ARL5C: variants seen among roughly 807,000 people sequenced by gnomAD.
ARL5C encodes ARF like GTPase 5C, also known as putative ADP-ribosylation factor-like protein 5C.
In ARL5C, 21 loss-of-function variants were observed where a neutral mutation model predicts 20.8. The ratio of observed to expected loss-of-function variants is 1.01; its 90% CI spans 0.72 to 1.46. The LOEUF is 1.46. Ranked by LOEUF, ARL5C falls within the 40% of genes most tolerant of loss-of-function variation. ARL5C has a pLI of 0.00. For synonymous variants in ARL5C, 71 were observed against 81.6 expected (o/e 0.87, Z 0.70); for missense variants, 199 against 225.1 (o/e 0.88, Z 0.74).
Position 39,165,869 on chromosome 17 carries a change from T to G in ARL5C, c.-109A>C. On this transcript the variant is annotated 5_prime_UTR_variant, in exon 1 of 6. Coordinates refer to ENST00000269586, the MANE Select transcript of ARL5C (RefSeq NM_001143968.1). Reference sequence around the variant, plus strand: ...CCGGGAGGGTCTGGCAGATTTTGCCTACGAAGTTAGGGAAGCCCCACACGT... The same window carrying G: ...CCGGGAGGGTCTGGCAGATTTTGCCGACGAAGTTAGGGAAGCCCCACACGT... 7.3e-7 allele frequency: 1 copy of G among 1,373,596 alleles called. No homozygotes were observed. The highest frequency in any genetic ancestry group is 1.0e-6 in the Non-Finnish European group (1 of 996,470). 85.1% of individuals were successfully genotyped at this position (1,373,596 alleles called of 1,614,324 possible). A position where few individuals can be genotyped will look rare whatever the true frequency, so the allele number is the denominator to read the frequency against.
Position 39,160,697 on chromosome 17 carries a change from C to A in ARL5C, c.385G>T (p.Val129Leu). The A allele has an allele frequency of 1.3e-6, 2 of 1,551,880 alleles. No individual in the cohort carries two copies. The highest frequency in any genetic ancestry group is 2.4e-5 in the South Asian group (2 of 84,062). Residue 129 changes from valine (V) to leucine (L), a missense_variant, in exon 5 of 6, where the codon GTG (valine) becomes TTG (leucine). Transcript: ENST00000269586. ...SVLIFANKQD[V>L]KDSMRMVEIS... ...TCCACCATCCTCATGGAGTCCTTCA[C>A]GTCCTGCTTATTGGCAAATATCAGG... is the stretch of plus-strand genomic sequence containing the variant.
chr17:39,163,573 G>C (rs2045448201), intron 2 of ARL5C, among the ~76,000 whole-genome samples: 1 of 151,432 alleles, frequency 6.6e-6, no homozygotes, highest in South Asian at 2.1e-4. Context: ...TTGTATTTTT[G>C]TAGAAACGGG....
rs942411469 is a variant in ARL5C, at chr17:39,165,524, G to A, written c.46+191C>T. 2.8e-4 allele frequency: 185 copies of A among 665,942 alleles called. 1 individual carries two copies. The highest frequency in any genetic ancestry group is 4.1e-4 in the Non-Finnish European group (162 of 396,412). 41.3% of individuals were successfully genotyped at this position (665,942 alleles called of 1,614,324 possible). On this transcript the variant is annotated intron_variant, in intron 1 of 5. Coordinates refer to ENST00000269586, the MANE Select transcript of ARL5C (RefSeq NM_001143968.1). ...GGGTCGCCCAGCTTTGCGTCCTGGGGCGCACCGAAGCGCCGGGACCCAAGA... is the reference window on the plus strand; with the variant it reads ...GGGTCGCCCAGCTTTGCGTCCTGGGACGCACCGAAGCGCCGGGACCCAAGA...
At chr17:39,158,258 G>A (rs1038637864) in intron 5 of ARL5C, among the ~76,000 whole-genome samples, 1 of 152,128 alleles carries the variant, frequency 6.6e-6, no homozygotes, top group Non-Finnish European at 1.5e-5. Context: ...CGGGTGGCAA[G>A]GACACTGCTA....
At chr17:39,159,577 A>T (rs543388042) in intron 5 of ARL5C, among the ~76,000 whole-genome samples, 1 of 152,068 alleles carries the variant, frequency 6.6e-6, no homozygotes, top group Non-Finnish European at 1.5e-5. Context: ...GATTACAGGC[A>T]TGAGCCACCG....
At chr17:39,161,702 C>T (rs142697308) in intron 3 of ARL5C, among the ~76,000 whole-genome samples, 2,606 of 152,006 alleles carry the variant, frequency 0.017, 69 homozygotes, top group African/African-American at 0.06. Context: ...TTAGTAGAGA[C>T]GGGGTTTCGC....
chr17:39,160,758 C>G lies in ARL5C; in HGVS notation c.340-16G>C. On this transcript the variant is annotated splice_polypyrimidine_tract_variant and intron_variant, in intron 4 of 5. Coordinates refer to ENST00000269586, the MANE Select transcript of ARL5C (RefSeq NM_001143968.1). ...CCTGTAGAGCCTGTGGACAGAGGAG[C>G]CCAGCCCCAGTCAGCCTGCTAGTGC... 6.5e-7 allele frequency: 1 copy of G among 1,549,908 alleles called. No homozygotes were observed.
At chr17:39,156,805 C>T, downstream of ARL5C, 1 of 1,455,596 alleles carries the variant, frequency 6.9e-7, no homozygotes, top group Non-Finnish European at 9.4e-7. Flanking sequence ...ACTAGAGAAC[C>T]ATAGAAAAGT....
At position 39,162,739 on chromosome 17, in the gene ARL5C, A is replaced by G; in HGVS notation, c.227T>C (p.Ile76Thr). 1 of 1,551,732 alleles carries G rather than the reference A, an allele frequency of 6.4e-7. No homozygotes were observed. Among genetic ancestry groups the G allele is most frequent in the Non-Finnish European group, 8.7e-7 (1 of 1,146,986 alleles). The change falls in exon 3 of 6, where the codon ATC (isoleucine) becomes ACC (threonine). Residue 76 changes from isoleucine to threonine, a missense_variant. Ile to Thr is a moderately conservative substitution (Grantham distance 89). Transcript: ENST00000269586. Reference sequence around the variant, plus strand: ...AGTGTTGGAGTAGTATGTGTTCCAGATAAAGCTCAGAGCCTCAGGTCTCAC... The same window carrying G: ...AGTGTTGGAGTAGTATGTGTTCCAGGTAAAGCTCAGAGCCTCAGGTCTCAC... ...DIVRPEALSFIWNTYYSNTEF... is the reference protein window; with the variant it reads ...DIVRPEALSFTWNTYYSNTEF...
chr17:39,165,255 G>T, intron 1 of ARL5C, 116 bp from the exon 2 acceptor site: 1 of 1,036,238 alleles, frequency 9.7e-7, no homozygotes, highest in Non-Finnish European at 1.4e-6. Context: ...GGGGACCTCT[G>T]CCCACCGTAC....
At chr17:39,164,895 G>T (rs963288316) in intron 2 of ARL5C, 184 bp downstream of exon 2, 5 of 614,638 alleles carry the variant, frequency 8.1e-6, no homozygotes, top group Admixed American at 5.7e-5. Context: ...CCTGTACGGT[G>T]CAGGATTTGA....
chr17:39,163,366 C>CTTTCTTTCTT (rs1331857375), intron 2 of ARL5C, among the ~76,000 whole-genome samples: 4 of 128,912 alleles, frequency 3.1e-5, no homozygotes, highest in African/African-American at 4.5e-5. Flanking sequence ...TTCTTTCTTT[C>CTTTCTTTCTT]TTTCTTTCTT....
intron 2 of ARL5C, among the ~76,000 whole-genome samples, chr17:39,163,762 T>C (rs1319068231): frequency 6.8e-6 from 1 of 147,952 alleles, no homozygotes; most frequent in African/African-American, 2.5e-5. Context: ...TGGAGTGCAG[T>C]GGCACAATCT....
intron 3 of ARL5C, 25 bp from the exon 4 acceptor site, chr17:39,161,376 G>A: frequency 6.5e-7 from 1 of 1,548,554 alleles, no homozygotes; most frequent in Non-Finnish European, 8.7e-7. Context: ...GGAGCCGTGA[G>A]AGACAGGCTT....
At chr17:39,157,921 G>A (rs991899364) in intron 5 of ARL5C, among the ~76,000 whole-genome samples, 6 of 148,960 alleles carry the variant, frequency 4.0e-5, no homozygotes, top group South Asian at 2.1e-4. Context: ...ATGAAACACC[G>A]TCTCTACTAA....
At chr17:39,165,185 C>T in intron 1 of ARL5C, 46 bp from the exon 2 acceptor site, 15 of 1,542,624 alleles carry the variant, frequency 9.7e-6, no homozygotes, top group Non-Finnish European at 1.3e-5. Context: ...AACCCGAAGA[C>T]CAAGGGACTG....
At chr17:39,165,248 G>T in intron 1 of ARL5C, 109 bp from the exon 2 acceptor site, 1 of 1,109,666 alleles carries the variant, frequency 9.0e-7, no homozygotes. Flanking sequence ...GCAGGCTGGG[G>T]ACCTCTGCCC....
At chr17:39,164,607 C>T (rs891547970) in intron 2 of ARL5C, among the ~76,000 whole-genome samples, 2 of 152,080 alleles carry the variant, frequency 1.3e-5, no homozygotes, top group African/African-American at 4.8e-5. Flanking sequence ...AGGTGCCATC[C>T]AGAGAGCGAA....
intron 5 of ARL5C, among the ~76,000 whole-genome samples, chr17:39,158,649 C>T (rs1188015212): frequency 6.6e-6 from 1 of 151,796 alleles, no homozygotes; most frequent in Non-Finnish European, 1.5e-5. Context: ...TGTGCCCAGC[C>T]TGCCATGATT....
Sources: gnomAD v4.1 joint callset for allele counts (sites outside exome capture counted in the v4.1 genomes callset) on GRCh38, gnomAD v4.1.1 for gene constraint, MANE v1.5 for transcripts, NCBI Gene and HGNC (gene_info 2026-07-23, HGNC 2026-07-21) for gene names.